Variants in CRHR2 observed in about 807,000 individuals in gnomAD.
The protein encoded by CRHR2 is corticotropin releasing hormone receptor 2.
Under a neutral mutation model 57.9 loss-of-function variants are expected in CRHR2, and 53 were observed. The observed-to-expected ratio is 0.92, with a 90% confidence interval of 0.73 to 1.15. CRHR2 has a LOEUF of 1.15. CRHR2 is among the 50% of genes most tolerant of loss of function. CRHR2 has a pLI of 0.00. For synonymous variants in CRHR2, 213 were observed against 220.9 expected (o/e 0.96, Z 0.32); for missense variants, 532 against 542.6 (o/e 0.98, Z 0.19).
At chr7:30,659,012 AC>A (rs1212023488) in intron 8 of CRHR2, among the ~76,000 whole-genome samples, 1 of 152,208 alleles carries the variant, frequency 6.6e-6, no homozygotes, top group Non-Finnish European at 1.5e-5. Context: ...ATTAGTGGTG[AC>A]CTTGGGCAAG....
rs182991607 is a variant in CRHR2, at chr7:30,689,400, G to A, written c.-260-116C>T. The A allele has an allele frequency of 3.7e-3, 3,193 of 852,750 alleles. 26 individuals carry two copies. Among genetic ancestry groups the A allele is most frequent in the Non-Finnish European group, 4.1e-3 (2,161 of 531,936 alleles). 52.8% of individuals were successfully genotyped at this position (852,750 alleles called of 1,614,324 possible). ...CCTTACTCCTCTTAGTACAGAGAGG[G>A]AGAACAAGGAGGGAGATGCCCATGG... On this transcript the variant is annotated intron_variant, in intron 1 of 13. Transcript: ENST00000341843.
At chr7:30,657,394 G>A (rs1403067817) in intron 8 of CRHR2, among the ~76,000 whole-genome samples, 2 of 152,110 alleles carry the variant, frequency 1.3e-5, no homozygotes, top group Non-Finnish European at 2.9e-5. Flanking sequence ...AGCCTTCAGC[G>A]GGGCTGCCAT....
chr7:30,656,399 C>G lies in CRHR2; in HGVS notation c.832-387G>C, dbSNP rs1036382873. On this transcript the variant is annotated intron_variant, in intron 8 of 11. Coordinates refer to ENST00000471646, the MANE Select transcript of CRHR2 (RefSeq NM_001883.5). The surrounding 1 kb of genome is among the most constrained non-coding windows in gnomAD (Gnocchi z 4.4). Reference sequence around the variant, plus strand: ...GTCCCTACTTGTTGACTGCGGGGCTCTCTGAGTCCCTTGCACTGTCACTGG... The same window carrying G: ...GTCCCTACTTGTTGACTGCGGGGCTGTCTGAGTCCCTTGCACTGTCACTGG... 2.0e-5 allele frequency among the ~76,000 whole-genome samples: 3 copies of G among 152,204 alleles called. No individual in the cohort carries two copies. The highest frequency in any genetic ancestry group is 4.8e-5 in the African/African-American group (2 of 41,444).
chr7:30,664,959 T>C (rs1784126753), intron 5 of CRHR2, 111 bp downstream of exon 5: 2 of 816,248 alleles, frequency 2.5e-6, no homozygotes, highest in Non-Finnish European at 4.3e-6. Flanking sequence ...CTTTAGCAGG[T>C]AGTGAGCTTC....
chr7:30,654,215 T>C (rs1783688347), intron 11 of CRHR2, among the ~76,000 whole-genome samples: 1 of 152,222 alleles, frequency 6.6e-6, no homozygotes, highest in Non-Finnish European at 1.5e-5. Flanking sequence ...AATTGGATGG[T>C]GTCTCTCACA....
In CRHR2 at chr7:30,665,018, C is replaced by G; in HGVS notation, c.543+52G>C. The G allele has an allele frequency of 6.8e-7, 1 of 1,462,752 alleles. No homozygotes were observed. Among genetic ancestry groups the G allele is most frequent in the Non-Finnish European group, 9.6e-7 (1 of 1,042,594 alleles). The allele number at this position is 1,462,752 out of a possible 1,614,324, so 90.6% of individuals were successfully genotyped here. Reference sequence around the variant, plus strand: ...GAGACCAGACAGACAGATGGGTGCCCCCGGAGCCCAGAGCCCCCCAGGTAT... The same window carrying G: ...GAGACCAGACAGACAGATGGGTGCCGCCGGAGCCCAGAGCCCCCCAGGTAT... On this transcript the variant is annotated intron_variant, in intron 5 of 11. Transcript: ENST00000471646. This position sits in a 1 kb window ranked among gnomAD's most constrained non-coding sequence, Gnocchi z 4.5.
At chr7:30,678,233 A>G (rs1295576112) in intron 2 of CRHR2, among the ~76,000 whole-genome samples, 3 of 152,250 alleles carry the variant, frequency 2.0e-5, no homozygotes, top group African/African-American at 7.2e-5. Context: ...TTTGAAAGGC[A>G]GCAGAACCTG....
upstream of CRHR2, chr7:30,682,582 C>A: frequency 5.6e-6 from 6 of 1,075,760 alleles, no homozygotes; most frequent in Non-Finnish European, 7.0e-6. Context: ...AGTCTCCAGC[C>A]CCCGGGCCCT....
chr7:30,668,193 T>TA (rs1249372756), intron 2 of CRHR2, among the ~76,000 whole-genome samples: 1 of 152,202 alleles, frequency 6.6e-6, no homozygotes, highest in African/African-American at 2.4e-5. Context: ...GTAGGAAAGT[T>TA]AAAAAATGCT....
chr7:30,673,187 A>C (rs1415746488), intron 2 of CRHR2, among the ~76,000 whole-genome samples: 4 of 149,542 alleles, frequency 2.7e-5, no homozygotes, highest in Non-Finnish European at 4.4e-5. Flanking sequence ...ATCTTTGACC[A>C]TGACTTTGAG....
intron 7 of CRHR2, 31 bp downstream of exon 7, chr7:30,662,125 A>AT: frequency 6.2e-7 from 1 of 1,612,312 alleles, no homozygotes; most frequent in Middle Eastern, 1.8e-4. Flanking sequence ...TCCCTTCCCC[A>AT]TGACCCCCCA....
intron 1 of CRHR2, among the ~76,000 whole-genome samples, chr7:30,695,508 G>A (rs531477834): frequency 1.4e-4 from 22 of 151,980 alleles, no homozygotes; most frequent in African/African-American, 4.6e-4. Context: ...CACCTGTGCC[G>A]AGCCCTGGGC....
chr7:30,682,391 C>A lies in CRHR2; in HGVS notation c.-111G>T. ...AGAGGGCGCGGGGTCCTGGCCCCCG[C>A]CAGCCCAGCCCCGATCTCCCGGGCA... On this transcript the variant is annotated 5_prime_UTR_variant, in exon 1 of 12. Coordinates refer to ENST00000471646, the MANE Select transcript of CRHR2 (RefSeq NM_001883.5). 7.3e-7 allele frequency: 1 copy of A among 1,375,896 alleles called. No homozygotes were observed. The highest frequency in any genetic ancestry group is 9.3e-7 in the Non-Finnish European group (1 of 1,070,290). The allele number at this position is 1,375,896 out of a possible 1,614,324, so 85.2% of individuals were successfully genotyped here. A position where few individuals can be genotyped will look rare whatever the true frequency, so the allele number is the denominator to read the frequency against.
chr7:30,655,175 G>C, intron 10 of CRHR2, 95 bp from the exon 11 acceptor site: 50 of 1,282,604 alleles, frequency 3.9e-5, no homozygotes, highest in Non-Finnish European at 4.6e-5. Flanking sequence ...GTGGGGGGGG[G>C]ACAATTTGAC....
intron 5 of CRHR2, 86 bp downstream of exon 5, chr7:30,664,984 G>T: frequency 1.8e-6 from 2 of 1,081,136 alleles, no homozygotes; most frequent in Non-Finnish European, 2.9e-6. Flanking sequence ...CAAAGGAGGG[G>T]TCCAAGCAGA....
chr7:30,686,632 A>T (rs1243604966), upstream of CRHR2: 1 of 926,578 alleles, frequency 1.1e-6, no homozygotes, highest in African/African-American at 1.6e-5. Context: ...AAAATAATAA[A>T]AAATAAATAA....
chr7:30,665,520 G>T lies in CRHR2; in HGVS notation c.425+10C>A. On this transcript the variant is annotated intron_variant, in intron 4 of 11. Coordinates refer to ENST00000471646, the MANE Select transcript of CRHR2 (RefSeq NM_001883.5). The surrounding 1 kb of genome is among the most constrained non-coding windows in gnomAD (Gnocchi z 4.5). ...GATGAGGAGAAAGCAAGGCGGAAGGGCAGACTCACCGCAGGGCCAGGAAAA... is the reference window on the plus strand; with the variant it reads ...GATGAGGAGAAAGCAAGGCGGAAGGTCAGACTCACCGCAGGGCCAGGAAAA... 2.6e-6 allele frequency: 4 copies of T among 1,551,156 alleles called. No homozygotes were observed. Among genetic ancestry groups the T allele is most frequent in the Non-Finnish European group, 3.5e-6 (4 of 1,145,368 alleles).
chr7:30,698,300 A>G (rs1785097878), intron 1 of CRHR2: 1 of 152,300 alleles, frequency 6.6e-6, no homozygotes, highest in East Asian at 1.9e-4. Context: ...GGATGACCTC[A>G]AGGGACGCTG....
In CRHR2 at chr7:30,667,234, A is replaced by G; in HGVS notation, c.309T>C (p.Asp103=). ...INYSQCEPIL[D]DKQRKYDLHY... ...GCAGGTGAGGGCCACTCACCTTGTC[A>G]TCCAAAATGGGCTCACACTGTGAGT... Residue 103 remains aspartate (D), a synonymous_variant, in exon 3 of 12, where the codon GAT becomes GAC. Coordinates refer to ENST00000471646, the MANE Select transcript of CRHR2 (RefSeq NM_001883.5). 2 of 1,614,102 alleles carry G rather than the reference A, an allele frequency of 1.2e-6. No individual in the cohort carries two copies. The highest frequency in any genetic ancestry group is 1.7e-6 in the Non-Finnish European group (2 of 1,179,986).
Sources: gnomAD v4.1 joint callset for allele counts (sites outside exome capture counted in the v4.1 genomes callset) on GRCh38, gnomAD v4.1.1 for gene constraint, Gnocchi (gnomAD v3.1) non-coding constraint, MANE v1.5 for transcripts, NCBI Gene and HGNC (gene_info 2026-07-23, HGNC 2026-07-21) for gene names.